KCNT1: variants seen among roughly 807,000 people sequenced by gnomAD.
The protein encoded by KCNT1 is potassium channel subfamily T member 1.
In KCNT1, 78 loss-of-function variants were observed where a neutral mutation model predicts 147.8. That is an observed-to-expected ratio of 0.53 (90% CI 0.44 to 0.64). KCNT1 has a LOEUF of 0.64. Ranked by LOEUF, KCNT1 falls within the 30% of genes least tolerant of loss-of-function variation. The pLI is 0.00. For missense variants in KCNT1, 1,419 were observed against 1,750.3 expected (o/e 0.81, Z 3.38); for synonymous variants, 867 against 748.8 (o/e 1.16, Z -2.58).
chr9:135,773,120 A>G (rs1320776426), intron 19 of KCNT1, among the ~76,000 whole-genome samples, 171 bp downstream of exon 19: 1 of 152,208 alleles, frequency 6.6e-6, no homozygotes, highest in African/African-American at 2.4e-5. Flanking sequence ...CCCAACACAG[A>G]CATCAGGGCC....
intron 27 of KCNT1, 145 bp from the exon 28 acceptor site, chr9:135,785,165 C>CGG (rs1296953536): frequency 7.8e-7 from 1 of 1,277,978 alleles, no homozygotes; most frequent in African/African-American, 1.5e-5. Context: ...AGGAAGAATA[C>CGG]GGGCAGCCCC....
intron 2 of KCNT1, among the ~76,000 whole-genome samples, chr9:135,715,480 G>A (rs913186878): frequency 3.3e-5 from 5 of 150,800 alleles, no homozygotes; most frequent in African/African-American, 9.8e-5. Context: ...AGCCCGCGGG[G>A]GCTTCAGGTC....
rs55774483 is a variant in KCNT1 at position 135,769,139 on chromosome 9, G to A, written c.1510+202G>A. Among the ~76,000 whole-genome samples the A allele has an allele frequency of 2.6e-3, 96 of 37,460 alleles. 5 individuals carry two copies. Among genetic ancestry groups the A allele is most frequent in the Non-Finnish European group, 4.7e-3 (73 of 15,472 alleles). 24.6% of individuals were successfully genotyped at this position (37,460 alleles called of 152,430 possible). ...TGGGTGTCGGTGCGTCTGGGGCAGG[G>A]CGCATGTGCACACGTGGGTGACGGT... On this transcript the variant is annotated intron_variant, in intron 15 of 30. Coordinates refer to ENST00000371757, the MANE Select transcript of KCNT1 (RefSeq NM_020822.3).
chr9:135,737,338 C>A (rs1349973592), intron 2 of KCNT1, among the ~76,000 whole-genome samples: 1 of 152,158 alleles, frequency 6.6e-6, no homozygotes, highest in Non-Finnish European at 1.5e-5. Flanking sequence ...GCAGCGCCTA[C>A]CCCTCCTTGG....
intron 15 of KCNT1, among the ~76,000 whole-genome samples, chr9:135,769,378 G>A (rs867322992): frequency 3.3e-5 from 5 of 152,300 alleles, no homozygotes; most frequent in Non-Finnish European, 4.4e-5. Flanking sequence ...GTGGGGCAGC[G>A]GGAGGGGCTG....
intron 2 of KCNT1, among the ~76,000 whole-genome samples, chr9:135,719,295 GA>G (rs1055486288): frequency 4.6e-5 from 7 of 152,254 alleles, no homozygotes; most frequent in Admixed American, 2.6e-4. Context: ...GAGCCAGCGG[GA>G]CAGGGGCTGC....
Position 135,791,877 on chromosome 9 carries a change from A to G in KCNT1, c.3583A>G (p.Ile1195Val). The G allele has an allele frequency of 6.2e-7, 1 of 1,613,658 alleles. No individual in the cohort carries two copies. The highest frequency in any genetic ancestry group is 8.5e-7 in the Non-Finnish European group (1 of 1,179,862). Residue 1195 changes from isoleucine to valine, a missense_variant, in exon 30 of 31, where the codon ATT becomes GTT. Physicochemically the swap from Ile to Val is conservative, Grantham distance 29. Transcript: ENST00000371757. ...PPDTRLEPSD[I>V]VYLIRSDPLA... ...CGACACGAGGCTGGAGCCCAGTGAC[A>G]TTGTGTGAGTAGCACCTGTGGGCTG...
chr9:135,743,155 G>T (rs567384258), intron 2 of KCNT1, among the ~76,000 whole-genome samples: 1 of 152,098 alleles, frequency 6.6e-6, no homozygotes. Flanking sequence ...CCTGGGCTCT[G>T]GCTCAGCCCA....
intron 23 of KCNT1, 29 bp downstream of exon 23, chr9:135,778,851 A>G (rs1372672003): frequency 2.5e-6 from 4 of 1,605,136 alleles, no homozygotes; most frequent in Admixed American, 1.7e-5. Flanking sequence ...GCTCGGCTCT[A>G]AACCACCCCA....
At chr9:135,774,478 C>T (rs111207739) in intron 19 of KCNT1, among the ~76,000 whole-genome samples, 4,408 of 127,204 alleles carry the variant, frequency 0.035, 86 homozygotes, top group Middle Eastern at 0.18. Flanking sequence ...GTGTGTGGTA[C>T]GTGTTGTGTC....
Position 135,752,868 on chromosome 9 carries a change from GTGGA to G in KCNT1, c.435-1060_435-1057del, listed in dbSNP as rs1245700274. 3.3e-5 allele frequency among the ~76,000 whole-genome samples: 5 copies of G among 150,782 alleles called. No homozygotes were observed. The highest frequency in any genetic ancestry group is 6.6e-5 in the Admixed American group (1 of 15,148). ...GATGAGTGAATGGGTGGAGGGATGAGTGGATGGATGGAGAGATGAGCAGAAGGAT... is the reference window on the plus strand; with the variant it reads ...GATGAGTGAATGGGTGGAGGGATGAGTGGATGGAGAGATGAGCAGAAGGAT... On this transcript the variant is annotated intron_variant, in intron 4 of 30. Transcript: ENST00000371757. This position sits in a 1 kb window ranked among gnomAD's most constrained non-coding sequence, Gnocchi z 5.1.
chr9:135,742,467 C>T (rs1479783094), intron 2 of KCNT1, among the ~76,000 whole-genome samples: 6 of 152,182 alleles, frequency 3.9e-5, no homozygotes, highest in Admixed American at 2.0e-4. Flanking sequence ...AGGGTGCATG[C>T]GCGGGGACCT....
At chr9:135,757,026 C>G (rs1191222082) in intron 7 of KCNT1, 94 bp downstream of exon 7, 1 of 1,067,992 alleles carries the variant, frequency 9.4e-7, no homozygotes, top group Non-Finnish European at 1.3e-6. Context: ...TCCTATTTCC[C>G]CACACTTCCC....
chr9:135,770,159 G>A, intron 16 of KCNT1, 104 bp downstream of exon 16: 1 of 1,373,740 alleles, frequency 7.3e-7, no homozygotes, highest in Non-Finnish European at 9.9e-7. Context: ...CAGAGGAGGG[G>A]CACATGGCGG....
At chr9:135,753,040 AGATAGATGGATGAGTG>A (rs1441449557) in intron 4 of KCNT1, among the ~76,000 whole-genome samples, 1 of 119,890 alleles carries the variant, frequency 8.3e-6, no homozygotes, top group Non-Finnish European at 1.8e-5. Context: ...ACAGATGAGT[AGATAGATGGATGAGTG>A]GATGGATAGA....
chr9:135,778,356 C>T lies in KCNT1; in HGVS notation c.2523-68C>T, dbSNP rs1197147051. ...CCAGCTCTGTGCATGGAGGGTAGGG[C>T]CCCACTGGGCCTGAGGAGGGCAGGC... On this transcript the variant is annotated intron_variant, in intron 21 of 30. Transcript: ENST00000371757. 6 of 1,416,858 alleles carry T rather than the reference C, an allele frequency of 4.2e-6. No individual in the cohort carries two copies. In the Admixed American group the frequency reaches 9.9e-5, roughly 23 times the overall value. The allele number at this position is 1,416,858 out of a possible 1,614,324, so 87.8% of individuals were successfully genotyped here.
At chr9:135,703,499 G>A (rs376924061) in intron 1 of KCNT1, among the ~76,000 whole-genome samples, 105 of 152,328 alleles carry the variant, frequency 6.9e-4, no homozygotes, top group African/African-American at 2.4e-3. Context: ...GGGGGAGTCC[G>A]GGGTACAGCG....
rs576022487 is a variant in KCNT1, at chr9:135,724,144, G to C, written c.254+9424G>C. ...CAGGCTCAGAGGCTCGAGAGGCACA[G>C]GGGGAGGGCACCAAGGGCCTTGCAG... On this transcript the variant is annotated intron_variant, in intron 2 of 30. Transcript: ENST00000371757. 1.2e-4 allele frequency among the ~76,000 whole-genome samples: 18 copies of C among 150,976 alleles called. No individual in the cohort carries two copies. In the East Asian group the frequency reaches 3.1e-3, roughly 26 times the overall value.
At chr9:135,727,010 C>T (rs1836199134) in intron 2 of KCNT1, among the ~76,000 whole-genome samples, 1 of 102,286 alleles carries the variant, frequency 9.8e-6, no homozygotes. Context: ...TCTCTCTTTC[C>T]CATTCTCCCT....
Sources: allele counts gnomAD v4.1 joint callset (sites outside exome capture counted in the v4.1 genomes callset), GRCh38; gene constraint gnomAD v4.1.1; non-coding constraint Gnocchi (gnomAD v3.1); transcripts MANE v1.5; gene names NCBI Gene and HGNC (gene_info 2026-07-23, HGNC 2026-07-21).